ROR1: variants seen among roughly 807,000 people sequenced by gnomAD.
ROR1 encodes the protein inactive tyrosine-protein kinase transmembrane receptor ROR1.
Under a neutral mutation model 78.8 loss-of-function variants are expected in ROR1, and 19 were observed. The observed-to-expected ratio is 0.24, with a 90% CI of 0.17 to 0.35. ROR1 has a LOEUF of 0.35. ROR1 is among the 10% of genes least tolerant of loss of function. The pLI, the probability that ROR1 is intolerant of heterozygous loss-of-function variation, is 1.00. For missense variants in ROR1, 917 were observed against 1,177.8 expected (o/e 0.78, Z 3.24); for synonymous variants, 386 against 433.6 (o/e 0.89, Z 1.36).
At chr1:63,777,830 G>A (rs2100216002) in intron 1 of ROR1, among the ~76,000 whole-genome samples, 1 of 152,316 alleles carries the variant, frequency 6.6e-6, no homozygotes. Flanking sequence ...AAATGTATAT[G>A]TACAGATAGC....
At chr1:64,134,571 C>A (rs987190690) in intron 4 of ROR1, among the ~76,000 whole-genome samples, 2 of 152,126 alleles carry the variant, frequency 1.3e-5, no homozygotes, top group African/African-American at 4.8e-5. Context: ...GCAGCAGACA[C>A]TTAATACATG....
intron 4 of ROR1, among the ~76,000 whole-genome samples, chr1:64,080,336 G>T (rs573956706): frequency 6.6e-6 from 1 of 152,114 alleles, no homozygotes. Flanking sequence ...GCCCTACAGC[G>T]CACAGGACAG....
chr1:63,774,340 G>T lies in ROR1; in HGVS notation c.-78G>T. On this transcript the variant is annotated 5_prime_UTR_variant, in exon 1 of 9. Transcript: ENST00000371079. This position sits in a 1 kb window ranked among gnomAD's most constrained non-coding sequence, Gnocchi z 5.7. Reference sequence around the variant, plus strand: ...CGCCAGCGGCCGGGACGAGGCGGCCGGGAGCCCGGGAAGAGCCCGTGGATG... The same window carrying T: ...CGCCAGCGGCCGGGACGAGGCGGCCTGGAGCCCGGGAAGAGCCCGTGGATG... 1.0e-6 allele frequency: 1 copy of T among 972,002 alleles called. No individual in the cohort carries two copies. Among genetic ancestry groups the T allele is most frequent in the South Asian group, 1.7e-5 (1 of 57,382 alleles). The allele number at this position is 972,002 out of a possible 1,614,324, so 60.2% of individuals were successfully genotyped here.
intron 8 of ROR1, among the ~76,000 whole-genome samples, chr1:64,161,554 A>G (rs1457217356): frequency 6.6e-6 from 1 of 151,090 alleles, no homozygotes; most frequent in Non-Finnish European, 1.5e-5. Flanking sequence ...CTAGAGCAAT[A>G]ATAGTTCCCC....
chr1:64,140,348 G>T lies in ROR1; in HGVS notation c.850G>T (p.Asp284Tyr), dbSNP rs561785581. 1.9e-6 allele frequency: 3 copies of T among 1,614,122 alleles called. No homozygotes were observed. The highest frequency in any genetic ancestry group is 2.5e-6 in the Non-Finnish European group (3 of 1,179,994). ...LMRLKLPNCE[D>Y]LPQPESPEAA... is the part of the protein sequence containing the mutation. ...GAGGCTGAAACTGCCAAACTGTGAA[G>T]ATCTCCCCCAGCCAGAGAGCCCAGA... is the stretch of plus-strand genomic sequence containing the variant. The change falls in exon 6 of 9, where the codon GAT becomes TAT. Residue 284 changes from aspartate to tyrosine, a missense_variant. Around this residue, in one of 3 missense-constraint regions of ROR1, gnomAD observed 835 missense variants for 1,069.8 expected, o/e 0.78. Transcript: ENST00000371079.
chr1:63,787,731 G>A (rs991951983), intron 1 of ROR1, among the ~76,000 whole-genome samples: 5 of 152,022 alleles, frequency 3.3e-5, no homozygotes, highest in Non-Finnish European at 1.5e-5. Flanking sequence ...TTGCCATGTT[G>A]GCCAGGCTGG....
intron 1 of ROR1, among the ~76,000 whole-genome samples, chr1:64,005,693 G>GA (rs144139707): frequency 1.3e-5 from 2 of 151,970 alleles, no homozygotes; most frequent in East Asian, 1.9e-4. Context: ...TTTCAGTGAA[G>GA]AAAAAAAGCT....
chr1:64,139,164 C>CA (rs755368714), intron 5 of ROR1, among the ~76,000 whole-genome samples: 2,405 of 20,278 alleles, frequency 0.12, 347 homozygotes, highest in African/African-American at 0.2. Flanking sequence ...GAGACTGTCT[C>CA]AAAAAAAAAA....
intron 4 of ROR1, among the ~76,000 whole-genome samples, chr1:64,058,086 CATGCT>C (rs1444046421): frequency 6.6e-6 from 1 of 152,128 alleles, no homozygotes; most frequent in Admixed American, 6.6e-5. Context: ...GATTATCTTT[CATGCT>C]ATTGGAAATG....
chr1:63,879,488 T>A (rs1645309481), intron 1 of ROR1, among the ~76,000 whole-genome samples: 1 of 152,050 alleles, frequency 6.6e-6, no homozygotes, highest in Non-Finnish European at 1.5e-5. Flanking sequence ...GGGACCCCTT[T>A]CCTTTCTGGC....
At chr1:63,929,115 C>G (rs1645731355) in intron 1 of ROR1, among the ~76,000 whole-genome samples, 1 of 152,230 alleles carries the variant, frequency 6.6e-6, no homozygotes, top group South Asian at 2.1e-4. Flanking sequence ...CCTTTCCAGA[C>G]TCCACAATCC....
At chr1:63,893,155 G>A (rs1263795755) in intron 1 of ROR1, among the ~76,000 whole-genome samples, 1 of 152,154 alleles carries the variant, frequency 6.6e-6, no homozygotes, top group East Asian at 1.9e-4. Flanking sequence ...GAGATTGACT[G>A]TGTGCTTAGG....
intron 1 of ROR1, among the ~76,000 whole-genome samples, chr1:63,980,836 A>G (rs982273902): frequency 1.3e-5 from 2 of 152,220 alleles, no homozygotes; most frequent in African/African-American, 4.8e-5. Context: ...TTGCCCCTCC[A>G]AGGGCACTTG....
At chr1:63,990,175 A>G (rs185705304) in intron 1 of ROR1, among the ~76,000 whole-genome samples, 1 of 152,310 alleles carries the variant, frequency 6.6e-6, no homozygotes, top group Non-Finnish European at 1.5e-5. Flanking sequence ...TTCTGACACA[A>G]TCACAAAAAC....
chr1:64,092,839 G>T (rs1377726062), intron 4 of ROR1, among the ~76,000 whole-genome samples: 2 of 152,178 alleles, frequency 1.3e-5, no homozygotes, highest in African/African-American at 4.8e-5. Context: ...AGAATAATCT[G>T]CTTTTCATTC....
intron 1 of ROR1, among the ~76,000 whole-genome samples, chr1:63,880,424 C>T (rs892755192): frequency 6.6e-6 from 1 of 152,128 alleles, no homozygotes; most frequent in South Asian, 2.1e-4. Flanking sequence ...TGGAGAAAAA[C>T]CTGAGTCTTC....
At chr1:64,104,522 T>C (rs905028965) in intron 4 of ROR1, among the ~76,000 whole-genome samples, 3 of 151,818 alleles carry the variant, frequency 2.0e-5, no homozygotes, top group Admixed American at 6.6e-5. Flanking sequence ...CCGGGATACA[T>C]GTATAGAACA....
chr1:63,880,791 C>T (rs1645317169), intron 1 of ROR1, among the ~76,000 whole-genome samples: 1 of 152,118 alleles, frequency 6.6e-6, no homozygotes, highest in African/African-American at 2.4e-5. Context: ...TCCTTCCATC[C>T]ATCCATCCAT....
chr1:63,940,537 A>ATAGATAGG (rs1316361224), intron 1 of ROR1, among the ~76,000 whole-genome samples: 2 of 151,944 alleles, frequency 1.3e-5, no homozygotes, highest in African/African-American at 4.8e-5. Flanking sequence ...AGATAGATAG[A>ATAGATAGG]TAGATAATGT....
Sources: allele counts gnomAD v4.1 joint callset (sites outside exome capture counted in the v4.1 genomes callset), GRCh38; gene constraint gnomAD v4.1.1; regional missense constraint gnomAD v4.1.1; non-coding constraint Gnocchi (gnomAD v3.1); transcripts MANE v1.5; gene names NCBI Gene and HGNC (gene_info 2026-07-23, HGNC 2026-07-21).